BLTP3A: variants seen among roughly 807,000 people sequenced by gnomAD.
BLTP3A encodes the protein bridge-like lipid transfer protein family member 3A.
the BLTP3A span, among the ~76,000 whole-genome samples, chr6:34,818,020 ATTTTTTT>A: frequency 1.4e-5 from 2 of 147,170 alleles, no homozygotes; most frequent in African/African-American, 2.5e-5. Flanking sequence ...CGACCGGCTA[ATTTTTTT>A]TTTTGTATTT....
the BLTP3A span, chr6:34,872,386 A>C: frequency 6.2e-7 from 1 of 1,613,224 alleles, no homozygotes; most frequent in East Asian, 2.2e-5. Flanking sequence ...AACCAGGATA[A>C]AGAAAAACTT....
At chr6:34,857,614 C>T in the BLTP3A span, 1 of 1,446,988 alleles carries the variant, frequency 6.9e-7, no homozygotes, top group Non-Finnish European at 9.4e-7. Context: ...AACACTCTGC[C>T]CTGTATAAAT....
At chr6:34,865,985 C>T in the BLTP3A span, among the ~76,000 whole-genome samples, 1 of 151,958 alleles carries the variant, frequency 6.6e-6, no homozygotes, top group Non-Finnish European at 1.5e-5. Context: ...CCAAGGTGGG[C>T]GGATCACTTA....
At chr6:34,808,427 A>G in the BLTP3A span, among the ~76,000 whole-genome samples, 1 of 151,848 alleles carries the variant, frequency 6.6e-6, no homozygotes, top group African/African-American at 2.4e-5. Context: ...ATAATCAAAA[A>G]TTGTTTTGTT....
At chr6:34,849,031 C>G in the BLTP3A span, among the ~76,000 whole-genome samples, 6 of 140,734 alleles carry the variant, frequency 4.3e-5, no homozygotes, top group African/African-American at 1.6e-4. Context: ...CAAAGTCTTG[C>G]TCTGTCACCC....
At chr6:34,811,022 C>T in the BLTP3A span, among the ~76,000 whole-genome samples, 6 of 152,116 alleles carry the variant, frequency 3.9e-5, no homozygotes, top group Non-Finnish European at 8.8e-5. Flanking sequence ...CAAGTTTTTT[C>T]AAGTTGTCAC....
At chr6:34,833,851 G>A in the BLTP3A span, among the ~76,000 whole-genome samples, 1 of 149,504 alleles carries the variant, frequency 6.7e-6, no homozygotes, top group Non-Finnish European at 1.5e-5. Flanking sequence ...GAACCTGGGA[G>A]GTAGAGATTG....
At chr6:34,819,194 T>G in the BLTP3A span, among the ~76,000 whole-genome samples, 3 of 151,884 alleles carry the variant, frequency 2.0e-5, no homozygotes, top group African/African-American at 7.2e-5. Context: ...AGGGTACATG[T>G]GCACATTGTG....
chr6:34,827,586 A>G, the BLTP3A span, among the ~76,000 whole-genome samples: 337 of 152,340 alleles, frequency 2.2e-3, no homozygotes, highest in Non-Finnish European at 3.6e-3. Flanking sequence ...ATCTTGTGAA[A>G]TATCCCATTA....
the BLTP3A span, among the ~76,000 whole-genome samples, chr6:34,837,897 T>A: frequency 5.9e-5 from 9 of 152,312 alleles, no homozygotes; most frequent in Admixed American, 5.2e-4. Context: ...GTTTGATTGT[T>A]TGTTTAGATT....
chr6:34,877,484 G>A, the BLTP3A span: 6 of 152,462 alleles, frequency 3.9e-5, no homozygotes, highest in Admixed American at 1.3e-4. Context: ...TGAACCACCT[G>A]AAAAAACAAA....
At chr6:34,853,635 A>G in the BLTP3A span, among the ~76,000 whole-genome samples, 1 of 151,838 alleles carries the variant, frequency 6.6e-6, no homozygotes. Context: ...ATCTCAGCTC[A>G]CTGCAACCTC....
the BLTP3A span, among the ~76,000 whole-genome samples, chr6:34,801,831 C>T: frequency 1.3e-5 from 2 of 152,124 alleles, no homozygotes; most frequent in South Asian, 2.1e-4. Context: ...CTCCGCCTCC[C>T]GGTTCACGCC....
chr6:34,864,002 G>A, the BLTP3A span: 1 of 1,577,412 alleles, frequency 6.3e-7, no homozygotes, highest in Non-Finnish European at 8.6e-7. Flanking sequence ...TTTTAAACAG[G>A]GAGCCCATGG....
chr6:34,855,293 A>G, the BLTP3A span, among the ~76,000 whole-genome samples: 5 of 152,208 alleles, frequency 3.3e-5, no homozygotes, highest in Admixed American at 2.6e-4. Context: ...AGTCAAGGCT[A>G]TAGAGTGTGT....
At chr6:34,811,675 C>CA in the BLTP3A span, among the ~76,000 whole-genome samples, 1 of 84,528 alleles carries the variant, frequency 1.2e-5, no homozygotes, top group Non-Finnish European at 2.2e-5. Flanking sequence ...CATGGTGAGA[C>CA]CCCCCCCCCC....
At chr6:34,819,170 A>G in the BLTP3A span, among the ~76,000 whole-genome samples, 2 of 138,536 alleles carry the variant, frequency 1.4e-5, no homozygotes, top group Non-Finnish European at 3.2e-5. Context: ...TTTTTTTATT[A>G]TACTTTAAGT....
At chr6:34,792,141 C>T in the BLTP3A span, 1 of 1,003,726 alleles carries the variant, frequency 1.0e-6, no homozygotes, top group Non-Finnish European at 1.3e-6. Context: ...GCGGCGGCGG[C>T]TGTGTCCGGT....
At chr6:34,833,353 A>G in the BLTP3A span, among the ~76,000 whole-genome samples, 1 of 151,464 alleles carries the variant, frequency 6.6e-6, no homozygotes, top group African/African-American at 2.4e-5. Flanking sequence ...CCTCTTATTC[A>G]CCTGACTGTA....
Sources: gnomAD v4.1 joint callset for allele counts (sites outside exome capture counted in the v4.1 genomes callset) on GRCh38, gnomAD v4.1.1 for gene constraint, MANE v1.5 for transcripts, NCBI Gene and HGNC (gene_info 2026-07-23, HGNC 2026-07-21) for gene names.